SPAG16: variants seen among roughly 807,000 people sequenced by gnomAD.
SPAG16 encodes sperm-associated antigen 16 protein.
In SPAG16, 86 loss-of-function variants were observed where a neutral mutation model predicts 80.4. That is an observed-to-expected ratio of 1.07 (90% CI 0.90 to 1.28). SPAG16 has a LOEUF of 1.28. Ranked by LOEUF, SPAG16 falls within the 50% of genes most tolerant of loss-of-function variation. The probability of loss-of-function intolerance (pLI) is 0.00; values close to 1 mark genes in which losing one functional copy is unlikely to be tolerated. For synonymous variants in SPAG16, 294 were observed against 265.9 expected (o/e 1.11, Z -1.03); for missense variants, 870 against 765.3 (o/e 1.14, Z -1.61).
chr2:214,229,504 A>T (rs915159816), intron 15 of SPAG16, among the ~76,000 whole-genome samples: 1 of 151,666 alleles, frequency 6.6e-6, no homozygotes, highest in Non-Finnish European at 1.5e-5. Context: ...TTATATGTGT[A>T]TGTGTGTATA....
chr2:213,942,211 G>A (rs914814534), intron 12 of SPAG16, among the ~76,000 whole-genome samples: 1 of 152,026 alleles, frequency 6.6e-6, no homozygotes, highest in Non-Finnish European at 1.5e-5. Context: ...GCCTACATCT[G>A]TTCAGCTGAG....
chr2:214,320,473 G>T (rs561633757), intron 15 of SPAG16, among the ~76,000 whole-genome samples: 1 of 152,172 alleles, frequency 6.6e-6, no homozygotes, highest in Admixed American at 6.5e-5. Flanking sequence ...TATCCTGGTT[G>T]TATTAGTCCA....
intron 5 of SPAG16, among the ~76,000 whole-genome samples, chr2:213,331,580 A>G (rs1320851115): frequency 1.3e-5 from 2 of 152,202 alleles, no homozygotes; most frequent in East Asian, 3.8e-4. Flanking sequence ...GCACCATAGA[A>G]CAAATGGACT....
chr2:213,816,952 G>A (rs1575220890), intron 10 of SPAG16, among the ~76,000 whole-genome samples: 1 of 151,712 alleles, frequency 6.6e-6, no homozygotes. Context: ...TCAAACTAGG[G>A]CCTGCAAGAA....
intron 10 of SPAG16, among the ~76,000 whole-genome samples, chr2:213,789,998 C>A (rs187982638): frequency 7.2e-5 from 11 of 151,876 alleles, no homozygotes; most frequent in African/African-American, 2.6e-4. Context: ...TTAAAATCTG[C>A]CCTTCAAAAA....
chr2:213,591,045 A>G (rs969891458), intron 10 of SPAG16, among the ~76,000 whole-genome samples: 1 of 152,220 alleles, frequency 6.6e-6, no homozygotes, highest in African/African-American at 2.4e-5. Flanking sequence ...ACATAGTAAC[A>G]GAAAACCAAA....
intron 15 of SPAG16, among the ~76,000 whole-genome samples, chr2:214,385,260 GAAAGATA>G: frequency 6.6e-6 from 1 of 152,180 alleles, no homozygotes; most frequent in East Asian, 1.9e-4. Flanking sequence ...AAAATGGGGT[GAAAGATA>G]ACAGTCCCTA....
chr2:213,481,279 A>C (rs2073735403), intron 9 of SPAG16, among the ~76,000 whole-genome samples: 1 of 152,236 alleles, frequency 6.6e-6, no homozygotes, highest in Non-Finnish European at 1.5e-5. Context: ...GAATTAATAA[A>C]AGTTTAGAAA....
At chr2:214,341,610 T>A (rs1055024371) in intron 15 of SPAG16, among the ~76,000 whole-genome samples, 11 of 152,136 alleles carry the variant, frequency 7.2e-5, no homozygotes, top group Admixed American at 7.2e-4. Flanking sequence ...AGATTCTGGA[T>A]GAAAAAAAAT....
At chr2:213,637,849 C>T (rs376187872) in intron 10 of SPAG16, among the ~76,000 whole-genome samples, 9 of 152,132 alleles carry the variant, frequency 5.9e-5, no homozygotes, top group East Asian at 3.9e-4. Flanking sequence ...CTCTGACTCC[C>T]GGGTTCATGC....
At chr2:213,640,327 T>A (rs2062537813) in intron 10 of SPAG16, among the ~76,000 whole-genome samples, 2 of 152,206 alleles carry the variant, frequency 1.3e-5, no homozygotes, top group African/African-American at 4.8e-5. Context: ...CCTTGTTTTT[T>A]AATATTACCA....
intron 12 of SPAG16, among the ~76,000 whole-genome samples, chr2:213,937,320 T>C (rs7600389): frequency 0.18 from 27,901 of 151,964 alleles, 3,967 homozygotes; most frequent in African/African-American, 0.4. Context: ...CATTAATACC[T>C]GTCTTATATT....
chr2:213,867,808 C>T (rs1417606547), intron 11 of SPAG16, among the ~76,000 whole-genome samples: 1 of 151,008 alleles, frequency 6.6e-6, no homozygotes. Context: ...CCTGTAGTCC[C>T]AGCTACTCGG....
At chr2:213,751,761 C>A (rs1325467348) in intron 10 of SPAG16, among the ~76,000 whole-genome samples, 4 of 152,124 alleles carry the variant, frequency 2.6e-5, no homozygotes, top group Non-Finnish European at 5.9e-5. Flanking sequence ...GCTGTATAAA[C>A]AAGTTTCCTG....
chr2:213,619,616 T>C (rs2061705401), intron 10 of SPAG16, among the ~76,000 whole-genome samples: 1 of 152,044 alleles, frequency 6.6e-6, no homozygotes. Flanking sequence ...TGAGATATCA[T>C]CTCACTCCAG....
chr2:214,338,284 G>C (rs1035557156), intron 15 of SPAG16, among the ~76,000 whole-genome samples: 1 of 152,124 alleles, frequency 6.6e-6, no homozygotes, highest in African/African-American at 2.4e-5. Context: ...GGGAGGCTGA[G>C]GCAGGCAGAT....
intron 12 of SPAG16, among the ~76,000 whole-genome samples, chr2:213,991,023 A>G (rs1418464287): frequency 6.6e-6 from 1 of 151,516 alleles, no homozygotes; most frequent in African/African-American, 2.4e-5. Flanking sequence ...TTATTATTAT[A>G]CTTTAAGTTC....
intron 11 of SPAG16, among the ~76,000 whole-genome samples, chr2:213,892,372 A>G (rs2076816353): frequency 6.6e-6 from 1 of 152,200 alleles, no homozygotes; most frequent in African/African-American, 2.4e-5. Context: ...ACTGAAATAA[A>G]TACCTAATCT....
At chr2:213,960,418 A>G (rs2044354164) in intron 12 of SPAG16, among the ~76,000 whole-genome samples, 2 of 151,792 alleles carry the variant, frequency 1.3e-5, no homozygotes, top group African/African-American at 2.4e-5. Flanking sequence ...TGAATGGACC[A>G]TACTTTTCTG....
Sources: allele counts gnomAD v4.1 joint callset (sites outside exome capture counted in the v4.1 genomes callset), GRCh38; gene constraint gnomAD v4.1.1; transcripts MANE v1.5; gene names NCBI Gene and HGNC (gene_info 2026-07-23, HGNC 2026-07-21).